PROM2: variants seen among roughly 807,000 people sequenced by gnomAD.
PROM2 encodes the protein prominin-2.
In PROM2, 90 loss-of-function variants were observed where a neutral mutation model predicts 110.2. The ratio of observed to expected loss-of-function variants is 0.82; its 90% CI spans 0.69 to 0.97. The LOEUF (loss-of-function observed/expected upper bound fraction) is 0.97. Ranked by LOEUF, PROM2 falls within the 50% of genes least tolerant of loss-of-function variation. The pLI, the probability that PROM2 is intolerant of heterozygous loss-of-function variation, is 0.00. For missense variants in PROM2, 1,009 were observed against 1,074.8 expected, an observed-to-expected ratio of 0.94 and a Z score of 0.86; for synonymous variants, 470 against 467.8, an observed-to-expected ratio of 1.00 and a Z score of -0.06.
intron 22 of PROM2, 113 bp downstream of exon 22, chr2:95,288,702 TGAGC>T (rs1453575131): frequency 1.0e-6 from 1 of 966,716 alleles, no homozygotes; most frequent in Admixed American, 2.3e-5. Flanking sequence ...AGGAGGCTCA[TGAGC>T]GAGCCCTGAA....
At chr2:95,281,189 G>A in intron 11 of PROM2, 53 bp from the exon 12 acceptor site, 1 of 1,597,010 alleles carries the variant, frequency 6.3e-7, no homozygotes, top group Non-Finnish European at 8.5e-7. Flanking sequence ...AGAGGGTATG[G>A]TCAGGGCAGC....
intron 22 of PROM2, 94 bp downstream of exon 22, chr2:95,288,683 C>G: frequency 1.8e-6 from 2 of 1,116,424 alleles, no homozygotes; most frequent in Non-Finnish European, 2.6e-6. Context: ...CCTGAGACCT[C>G]CCAGGCAGAG....
chr2:95,284,827 CG>C, intron 14 of PROM2, 141 bp from the exon 15 acceptor site: 1 of 981,308 alleles, frequency 1.0e-6, no homozygotes, highest in Non-Finnish European at 1.5e-6. Flanking sequence ...CCCCCAACAC[CG>C]GGGATCACAT....
Position 95,275,506 on chromosome 2 carries a change from A to G in PROM2, c.290A>G (p.Asn97Ser), listed in dbSNP as rs566678690. 2 of 1,613,834 alleles carry G rather than the reference A, an allele frequency of 1.2e-6. No homozygotes were observed. The highest frequency in any genetic ancestry group is 1.1e-5 in the South Asian group (1 of 91,044). Residue 97 changes from asparagine (N) to serine (S), a missense_variant, in exon 2 of 24, where the codon AAT becomes AGT. By Grantham distance (46) the Asn-to-Ser change is conservative (BLOSUM62 1). Coordinates refer to ENST00000317620, the MANE Select transcript of PROM2 (RefSeq NM_001165978.3). This position sits in a 1 kb window ranked among gnomAD's most constrained non-coding sequence, Gnocchi z 4.4. Reference protein sequence around the residue: ...LLNELASVKVNEVVRYEAGYV... With the variant: ...LLNELASVKVSEVVRYEAGYV... ...AATGAGCTGGCCTCCGTGAAGGTGA[A>G]TGAGGTGAGCAAGCTGGGGAAAGGT...
In PROM2 at chr2:95,274,514, G is replaced by A. The variant is rs1676527585; in HGVS notation, c.-72G>A. On this transcript the variant is annotated 5_prime_UTR_variant, in exon 1 of 24. Coordinates refer to ENST00000317620, the MANE Select transcript of PROM2 (RefSeq NM_001165978.3). Reference sequence around the variant, plus strand: ...GCTGTGGAGAGAGGGACAGAGGCTGGAGAAGGATGTATGGCCTGCCCTGGG... The same window carrying A: ...GCTGTGGAGAGAGGGACAGAGGCTGAAGAAGGATGTATGGCCTGCCCTGGG... 2.0e-6 allele frequency: 3 copies of A among 1,485,188 alleles called. No individual in the cohort carries two copies. The highest frequency in any genetic ancestry group is 4.6e-5 in the Admixed American group (2 of 43,164). The allele number at this position is 1,485,188 out of a possible 1,614,324, so 92.0% of individuals were successfully genotyped here. A position where few individuals can be genotyped will look rare whatever the true frequency, so the allele number is the denominator to read the frequency against.
At chr2:95,278,923 T>C (rs1676843003) in intron 9 of PROM2, 62 bp from the exon 10 acceptor site, 11 of 1,600,316 alleles carry the variant, frequency 6.9e-6, no homozygotes, top group Non-Finnish European at 8.5e-6. Flanking sequence ...CCTGCCCGCT[T>C]GTCTTGTTCC....
rs1573451895 is a variant in PROM2, at chr2:95,279,980, A to G, written c.1410A>G (p.Gly470=). 6.8e-7 allele frequency: 1 copy of G among 1,465,782 alleles called. No homozygotes were observed. 90.8% of individuals were successfully genotyped at this position (1,465,782 alleles called of 1,614,324 possible). A position where few individuals can be genotyped will look rare whatever the true frequency, so the allele number is the denominator to read the frequency against. Residue 470 remains glycine (G), a synonymous_variant, in exon 11 of 24, where the codon GGA becomes GGG. Transcript: ENST00000317620. ...PSHPEAKGEA[G]ARFLMAGVGL... is the part of the protein sequence containing the mutation. ...ACCCAGAAGCCAAGGGCGAGGCTGG[A>G]GCCCGCTTCCTCATGGCGTAAGAAA...
At chr2:95,287,317 A>C in intron 19 of PROM2, 79 bp from the exon 20 acceptor site, 1 of 1,475,246 alleles carries the variant, frequency 6.8e-7, no homozygotes, top group Non-Finnish European at 9.4e-7. Flanking sequence ...TCAAGTTGCC[A>C]GGCATGGGGG....
intron 7 of PROM2, 38 bp downstream of exon 7, chr2:95,277,604 G>T: frequency 6.7e-7 from 1 of 1,493,736 alleles, no homozygotes; most frequent in Non-Finnish European, 8.9e-7. Flanking sequence ...AAGCCACGGA[G>T]GGCTAGCTGC....
chr2:95,274,809 A>G lies in PROM2; in HGVS notation c.224A>G (p.Gln75Arg), dbSNP rs755529989. Reference protein sequence around the residue: ...GTVRRFLSVVQLNPFPSELVK... With the variant: ...GTVRRFLSVVRLNPFPSELVK... ...GTGCGCCGCTTCCTCTCGGTGGTGC[A>G]GCTCAATCCTTTCCCTTCAGGTGAG... Residue 75 changes from glutamine (Q) to arginine (R), a missense_variant, in exon 1 of 24, where the codon CAG (glutamine) becomes CGG (arginine). Gln to Arg is a conservative substitution (Grantham distance 43, BLOSUM62 1). Transcript: ENST00000317620. The G allele has an allele frequency of 6.4e-7, 1 of 1,563,694 alleles. No individual in the cohort carries two copies. Among genetic ancestry groups the G allele is most frequent in the Non-Finnish European group, 8.6e-7 (1 of 1,156,740 alleles).
At position 95,288,541 on chromosome 2, in the gene PROM2, T is replaced by G; in HGVS notation, c.2393T>G (p.Phe798Cys). ...TTCTTCCTGATCCCCAGCATCATCT[T>G]TGCCGTCAAGACCTCCAAATACTTC... is the stretch of plus-strand genomic sequence containing the variant. ...CTFFLIPSII[F>C]AVKTSKYFRP... Residue 798 changes from phenylalanine (F) to cysteine (C), a missense_variant, in exon 22 of 24, where the codon TTT (phenylalanine) becomes TGT (cysteine). Transcript: ENST00000317620. The G allele has an allele frequency of 6.2e-7, 1 of 1,614,250 alleles. No individual in the cohort carries two copies. Among genetic ancestry groups the G allele is most frequent in the Non-Finnish European group, 8.5e-7 (1 of 1,180,040 alleles).
chr2:95,288,016 C>T (rs965157650), intron 20 of PROM2, among the ~76,000 whole-genome samples, 195 bp from the exon 21 acceptor site: 1 of 152,160 alleles, frequency 6.6e-6, no homozygotes, highest in Admixed American at 6.5e-5. Flanking sequence ...GGGAGGGGCC[C>T]AGCGAGGAGT....
chr2:95,288,993 G>C lies in PROM2; in HGVS notation c.2502G>C (p.Leu834=), dbSNP rs1178331354. The C allele has an allele frequency of 1.9e-6, 3 of 1,608,166 alleles. No individual in the cohort carries two copies. The highest frequency in any genetic ancestry group is 2.6e-6 in the Non-Finnish European group (3 of 1,176,374). The change falls in exon 23 of 24, where the codon CTG becomes CTC. Residue 834 remains leucine (L), a synonymous_variant. Coordinates refer to ENST00000317620, the MANE Select transcript of PROM2 (RefSeq NM_001165978.3). ...TCCCCCGGGTTACCTCCCTGAAGCT[G>C]TAGGGCCTTGTGGGTGAGTTTTCCC... ...FHIPRVTSLK[L] is the part of the protein sequence containing the mutation.
chr2:95,277,453 C>T lies in PROM2; in HGVS notation c.862C>T (p.Arg288Trp), dbSNP rs752010195. 1.1e-5 allele frequency: 18 copies of T among 1,613,008 alleles called. No homozygotes were observed. Among genetic ancestry groups the T allele is most frequent in the Middle Eastern group, 1.7e-4 (1 of 6,048 alleles). ...AGQQDLEPAI[R>W]EHRDRLLELL... ...GCAGCAGGACCTGGAGCCAGCCATCCGGGAACACCGGGACCGCCTCCTTGA... is the reference window on the plus strand; with the variant it reads ...GCAGCAGGACCTGGAGCCAGCCATCTGGGAACACCGGGACCGCCTCCTTGA... Residue 288 changes from arginine (R) to tryptophan (W), a missense_variant, in exon 7 of 24, where the codon CGG (arginine) becomes TGG (tryptophan). Coordinates refer to ENST00000317620, the MANE Select transcript of PROM2 (RefSeq NM_001165978.3).
In PROM2 at chr2:95,288,287, T is replaced by G; in HGVS notation, c.2321T>G (p.Met774Arg). 1 of 1,614,088 alleles carries G rather than the reference T, an allele frequency of 6.2e-7. No homozygotes were observed. Among genetic ancestry groups the G allele is most frequent in the South Asian group, 1.1e-5 (1 of 91,082 alleles). The change falls in exon 21 of 24, where the codon ATG (methionine) becomes AGG (arginine). Residue 774 changes from methionine to arginine, a missense_variant. Physicochemically the swap from Met to Arg is moderately conservative, Grantham distance 91 (BLOSUM62 -1). Coordinates refer to ENST00000317620, the MANE Select transcript of PROM2 (RefSeq NM_001165978.3). ...DNSRVILCDMMADPWNAFWFC... is the reference protein window; with the variant it reads ...DNSRVILCDMRADPWNAFWFC... Reference sequence around the variant, plus strand: ...AGCCGTGTGATCCTGTGTGACATGATGGCTGACCCCTGGGTGAGTGCCCCA... The same window carrying G: ...AGCCGTGTGATCCTGTGTGACATGAGGGCTGACCCCTGGGTGAGTGCCCCA...
chr2:95,286,938 C>A, intron 18 of PROM2, 81 bp downstream of exon 18: 3 of 1,487,132 alleles, frequency 2.0e-6, no homozygotes, highest in Non-Finnish European at 2.8e-6. Flanking sequence ...TCTCACTCTG[C>A]ACCTCAGAGC....
Position 95,281,942 on chromosome 2 carries a change from G to A in PROM2, c.1569G>A (p.Gly523=). 3.7e-6 allele frequency: 6 copies of A among 1,614,092 alleles called. No individual in the cohort carries two copies. Among genetic ancestry groups the A allele is most frequent in the Non-Finnish European group, 5.1e-6 (6 of 1,179,978 alleles). ...GELFEFADTP[G]NLPPSMNLSQ... The stretch of plus-strand genomic sequence containing the variant: ...ATCCCCAGTTTGCAGACACCCCAGG[G>A]AACCTGCCCCCGTCCATGAACCTGT... The change falls in exon 13 of 24, where the codon GGG becomes GGA. Residue 523 remains glycine, a synonymous_variant. Coordinates refer to ENST00000317620, the MANE Select transcript of PROM2 (RefSeq NM_001165978.3).
chr2:95,281,122 A>C, intron 11 of PROM2, 120 bp from the exon 12 acceptor site: 1 of 1,359,414 alleles, frequency 7.4e-7, no homozygotes, highest in Non-Finnish European at 1.0e-6. Flanking sequence ...TTTCCTCTAA[A>C]GGCTCTGTGC....
In PROM2 at chr2:95,290,704, T is replaced by C. The variant is rs1035688683; in HGVS notation, c.*1491T>C. ...CTATTATTATTGTCGTTGTTGTTGT[T>C]TGCCATGACTGCTCTGGGCCGGGGG... On this transcript the variant is annotated 3_prime_UTR_variant, in exon 24 of 24. Coordinates refer to ENST00000317620, the MANE Select transcript of PROM2 (RefSeq NM_001165978.3). 2 of 152,252 alleles carry C rather than the reference T, an allele frequency of 1.3e-5. No homozygotes were observed. The highest frequency in any genetic ancestry group is 4.8e-5 in the African/African-American group (2 of 41,458). 9.4% of individuals were successfully genotyped at this position (152,252 alleles called of 1,614,324 possible). A position where few individuals can be genotyped will look rare whatever the true frequency, so the allele number is the denominator to read the frequency against.
Sources: allele counts gnomAD v4.1 joint callset (sites outside exome capture counted in the v4.1 genomes callset), GRCh38; gene constraint gnomAD v4.1.1; non-coding constraint Gnocchi (gnomAD v3.1); transcripts MANE v1.5; gene names NCBI Gene and HGNC (gene_info 2026-07-23, HGNC 2026-07-21).